Variants in SPI1 observed in about 807,000 individuals in gnomAD.
SPI1 encodes Spi-1 proto-oncogene.
SPI1 carries 3 observed loss-of-function variants against 30.7 expected under a neutral mutation model. The ratio of observed to expected loss-of-function variants is 0.10; its 90% CI spans 0.04 to 0.25. The LOEUF is 0.25. Ranked by LOEUF, SPI1 falls within the 10% of genes least tolerant of loss-of-function variation. The pLI is 1.00. For missense variants in SPI1, 261 were observed against 371.5 expected, an observed-to-expected ratio of 0.70 and a Z score of 2.45; for synonymous variants, 169 against 157.1, an observed-to-expected ratio of 1.08 and a Z score of -0.56.
At chr11:47,358,803 C>T (rs1281991770) in intron 4 of SPI1, 41 bp downstream of exon 4, 24 of 1,543,412 alleles carry the variant, frequency 1.6e-5, no homozygotes, top group East Asian at 9.8e-5. Context: ...GGCACAGACA[C>T]GGCCAGGGTC....
intron 2 of SPI1, among the ~76,000 whole-genome samples, chr11:47,368,910 G>A (rs2095931975): frequency 6.6e-6 from 1 of 152,146 alleles, no homozygotes; most frequent in Non-Finnish European, 1.5e-5. Flanking sequence ...GGTTAAGATG[G>A]TTTAAAAAAT....
chr11:47,360,161 C>T, intron 2 of SPI1, 121 bp from the exon 3 acceptor site: 2 of 845,888 alleles, frequency 2.4e-6, no homozygotes, highest in South Asian at 2.1e-5. Flanking sequence ...GTTTAACCCT[C>T]GCCACCTGCA....
At chr11:47,355,644 C>T (rs998267570) in intron 4 of SPI1, 98 bp from the exon 5 acceptor site, 3 of 1,106,178 alleles carry the variant, frequency 2.7e-6, no homozygotes, top group Middle Eastern at 3.0e-4. Flanking sequence ...ACGGGGTGGC[C>T]GGGAAGGGCA....
rs560396805 is a variant in SPI1, at chr11:47,359,517, G to A, written c.330+336C>T. On this transcript the variant is annotated intron_variant, in intron 3 of 4. Coordinates refer to ENST00000378538, the MANE Select transcript of SPI1 (RefSeq NM_003120.3). This position sits in a 1 kb window ranked among gnomAD's most constrained non-coding sequence, Gnocchi z 5.1. The stretch of plus-strand genomic sequence containing the variant: ...GAGGCAGGGTCAGTAGAGGTGTTCA[G>A]TGACTTGGTGTGGGATCCATGAGGG... 6.6e-6 allele frequency among the ~76,000 whole-genome samples: 1 copy of A among 152,140 alleles called. No individual in the cohort carries two copies. Among genetic ancestry groups the A allele is most frequent in the African/African-American group, 2.4e-5 (1 of 41,432 alleles).
At position 47,374,113 on chromosome 11, in the gene SPI1, A is replaced by G. The variant is rs888514301; in HGVS notation, c.142+1520T>C. Among the ~76,000 whole-genome samples, 2 of 152,208 alleles carry G rather than the reference A, an allele frequency of 1.3e-5. No individual in the cohort carries two copies. Among genetic ancestry groups the G allele is most frequent in the African/African-American group, 4.8e-5 (2 of 41,452 alleles). ...CCAGGGGGCGCCTGTCCCAGGGCCCAGCGGGACCTCCTGGAGTCCTGGAAC... is the reference window on the plus strand; with the variant it reads ...CCAGGGGGCGCCTGTCCCAGGGCCCGGCGGGACCTCCTGGAGTCCTGGAAC... On this transcript the variant is annotated intron_variant, in intron 2 of 4. Coordinates refer to ENST00000378538, the MANE Select transcript of SPI1 (RefSeq NM_003120.3). The surrounding 1 kb of genome is among the most constrained non-coding windows in gnomAD (Gnocchi z 4.5).
chr11:47,358,659 A>T (rs1265483038), intron 4 of SPI1, 185 bp downstream of exon 4: 2 of 720,152 alleles, frequency 2.8e-6, no homozygotes, highest in South Asian at 2.9e-5. Flanking sequence ...TATGCACTAC[A>T]CAGCAGATAC....
At chr11:47,371,017 C>G (rs56756748) in intron 2 of SPI1, among the ~76,000 whole-genome samples, 34,412 of 151,950 alleles carry the variant, frequency 0.23, 4,793 homozygotes, top group African/African-American at 0.37. Context: ...AAATAATGCT[C>G]TAAGTCTCTA....
chr11:47,367,204 AGATGGATG>A (rs748565791), intron 2 of SPI1, among the ~76,000 whole-genome samples: 4 of 152,012 alleles, frequency 2.6e-5, no homozygotes, highest in Admixed American at 6.6e-5. Context: ...TTGGATGGAT[AGATGGATG>A]GATGGATGGA....
chr11:47,369,106 G>T (rs1047463244), intron 2 of SPI1, among the ~76,000 whole-genome samples: 3 of 152,006 alleles, frequency 2.0e-5, no homozygotes, highest in Non-Finnish European at 4.4e-5. Context: ...AAAGAAATTA[G>T]CCAGGTGTGG....
chr11:47,358,754 G>A (rs72903845), intron 4 of SPI1, 90 bp downstream of exon 4: 75 of 1,315,484 alleles, frequency 5.7e-5, no homozygotes, highest in African/African-American at 4.1e-4. Flanking sequence ...ACTCGGTGGC[G>A]TGGCTGCTGG....
At position 47,366,324 on chromosome 11, in the gene SPI1, A is replaced by C. The variant is rs186395791; in HGVS notation, c.143-6284T>G. Among the ~76,000 whole-genome samples the C allele has an allele frequency of 1.2e-3, 190 of 152,326 alleles. 1 individual carries two copies. The highest frequency in any genetic ancestry group is 6.0e-3 in the South Asian group (29 of 4,834). ...CCAGTATAAAAATAAAATCATATTCAAAACAACCCCACAAAAAATGTCAAG... is the reference window on the plus strand; with the variant it reads ...CCAGTATAAAAATAAAATCATATTCCAAACAACCCCACAAAAAATGTCAAG... On this transcript the variant is annotated intron_variant, in intron 2 of 4. Coordinates refer to ENST00000378538, the MANE Select transcript of SPI1 (RefSeq NM_003120.3).
At chr11:47,368,992 T>C (rs1276110631) in intron 2 of SPI1, among the ~76,000 whole-genome samples, 1 of 152,200 alleles carries the variant, frequency 6.6e-6, no homozygotes, top group Non-Finnish European at 1.5e-5. Flanking sequence ...ATTCCTGTAA[T>C]CCCAGCTATT....
In SPI1 at chr11:47,378,461, A is replaced by G; in HGVS notation, c.-108T>C. On this transcript the variant is annotated 5_prime_UTR_variant, in exon 1 of 5. Transcript: ENST00000378538. ...GGCTGGACGGTCGTGGGGCGGGTGCAGGGCTCAGGCCTGCCCCCTGAGCTA... is the reference window on the plus strand; with the variant it reads ...GGCTGGACGGTCGTGGGGCGGGTGCGGGGCTCAGGCCTGCCCCCTGAGCTA... 2 of 1,273,376 alleles carry G rather than the reference A, an allele frequency of 1.6e-6. No homozygotes were observed. Among genetic ancestry groups the G allele is most frequent in the Non-Finnish European group, 2.2e-6 (2 of 900,120 alleles). The allele number at this position is 1,273,376 out of a possible 1,614,324, so 78.9% of individuals were successfully genotyped here. A position where few individuals can be genotyped will look rare whatever the true frequency, so the allele number is the denominator to read the frequency against.
At chr11:47,356,762 CAT>C (rs2095910490) in intron 4 of SPI1, among the ~76,000 whole-genome samples, 2 of 151,546 alleles carry the variant, frequency 1.3e-5, no homozygotes, top group African/African-American at 2.4e-5. Flanking sequence ...TATCCACTCA[CAT>C]ATGATCGCAC....
intron 2 of SPI1, among the ~76,000 whole-genome samples, chr11:47,369,517 G>GA (rs2095932748): frequency 7.9e-6 from 1 of 125,898 alleles, no homozygotes; most frequent in African/African-American, 3.0e-5. Flanking sequence ...ATTGGGAAAA[G>GA]ATACTAAAAA....
At chr11:47,356,941 C>T (rs954797725) in intron 4 of SPI1, among the ~76,000 whole-genome samples, 3 of 150,870 alleles carry the variant, frequency 2.0e-5, no homozygotes, top group Non-Finnish European at 3.0e-5. Context: ...CATTCACTCA[C>T]GCACACACCC....
chr11:47,360,058 G>T lies in SPI1; in HGVS notation c.143-18C>A. The T allele has an allele frequency of 6.5e-7, 1 of 1,531,914 alleles. No individual in the cohort carries two copies. The allele number at this position is 1,531,914 out of a possible 1,614,324, so 94.9% of individuals were successfully genotyped here. A position where few individuals can be genotyped will look rare whatever the true frequency, so the allele number is the denominator to read the frequency against. ...GTAATGGTCTGTGGGGGACAGCCAG[G>T]CAGTATGGGGTGAGCTCAGGGTTGG... On this transcript the variant is annotated intron_variant, in intron 2 of 4. Transcript: ENST00000378538.
chr11:47,366,375 A>G (rs2095928115), intron 2 of SPI1, among the ~76,000 whole-genome samples: 1 of 152,172 alleles, frequency 6.6e-6, no homozygotes, highest in Non-Finnish European at 1.5e-5. Context: ...AGCTGACCTT[A>G]TCTCCTCAGA....
chr11:47,367,956 A>C (rs1291255400), intron 2 of SPI1, among the ~76,000 whole-genome samples: 1 of 151,816 alleles, frequency 6.6e-6, no homozygotes. Flanking sequence ...ATGGGGTTTC[A>C]CCATGTTAGC....
Sources: allele counts gnomAD v4.1 joint callset (sites outside exome capture counted in the v4.1 genomes callset), GRCh38; gene constraint gnomAD v4.1.1; non-coding constraint Gnocchi (gnomAD v3.1); transcripts MANE v1.5; gene names NCBI Gene and HGNC (gene_info 2026-07-23, HGNC 2026-07-21).